Variants in RP1 observed in about 807,000 individuals in gnomAD.
RP1 encodes oxygen-regulated protein 1.
A neutral mutation model predicts 14.8 loss-of-function variants in RP1; 16 were observed. The observed-to-expected ratio is 1.08, with a 90% CI of 0.73 to 1.65. The LOEUF (loss-of-function observed/expected upper bound fraction) is 1.65, where lower values mean the gene tolerates loss of function less well. RP1 is among the 40% of genes most tolerant of loss of function. The pLI is 0.00. For missense variants in RP1, 2,631 were observed against 2,535.0 expected, an observed-to-expected ratio of 1.04 and a Z score of -0.81; for synonymous variants, 876 against 883.6, an observed-to-expected ratio of 0.99 and a Z score of 0.15.
intron 22 of RP1, among the ~76,000 whole-genome samples, chr8:54,761,782 T>C (rs1390617100): frequency 6.6e-6 from 1 of 152,176 alleles, no homozygotes; most frequent in Non-Finnish European, 1.5e-5. Flanking sequence ...AATACCCTGA[T>C]GAAGAAAGTA....
intron 19 of RP1, among the ~76,000 whole-genome samples, chr8:54,744,980 T>A (rs1180587981): frequency 6.6e-6 from 1 of 152,144 alleles, no homozygotes; most frequent in Non-Finnish European, 1.5e-5. Flanking sequence ...GGTACTAAAA[T>A]AAACAATAGC....
chr8:54,767,062 AGGATGGTTGTTTGTTGACT>A (rs1809777961), intron 22 of RP1, among the ~76,000 whole-genome samples: 1 of 152,206 alleles, frequency 6.6e-6, no homozygotes, highest in Non-Finnish European at 1.5e-5. Context: ...TGAGAAAAGT[AGGATGGTTGTTTGTTGACT>A]GGCAGTCACC....
At chr8:54,813,155 G>C (rs1292480764) in intron 24 of RP1, among the ~76,000 whole-genome samples, 1 of 152,234 alleles carries the variant, frequency 6.6e-6, no homozygotes, top group Admixed American at 6.5e-5. Flanking sequence ...GTCTCGAGCA[G>C]TTCCCGAAGT....
chr8:54,804,025 C>T (rs963138072), intron 24 of RP1, among the ~76,000 whole-genome samples: 2 of 151,704 alleles, frequency 1.3e-5, no homozygotes, highest in African/African-American at 4.8e-5. Context: ...CTGAGATCAC[C>T]CCACTGCACT....
intron 1 of RP1, among the ~76,000 whole-genome samples, chr8:54,618,375 A>T (rs1202401797): frequency 1.3e-5 from 2 of 152,174 alleles, no homozygotes; most frequent in Non-Finnish European, 2.9e-5. Flanking sequence ...GCCAAAACCG[A>T]CAAACAAAAC....
intron 7 of RP1, among the ~76,000 whole-genome samples, chr8:54,664,557 T>C (rs1806972849): frequency 6.6e-6 from 1 of 152,170 alleles, no homozygotes; most frequent in South Asian, 2.1e-4. Context: ...CCAAGACTTG[T>C]TAATTTTTTT....
chr8:54,842,575 C>T (rs1811813457), intron 25 of RP1, among the ~76,000 whole-genome samples: 1 of 152,122 alleles, frequency 6.6e-6, no homozygotes, highest in Non-Finnish European at 1.5e-5. Flanking sequence ...TCCTTTGCAT[C>T]ATTTAGCTGT....
At chr8:54,837,433 T>C (rs1811686242) in intron 24 of RP1, 1 of 1,155,658 alleles carries the variant, frequency 8.7e-7, no homozygotes, top group Non-Finnish European at 1.1e-6. Flanking sequence ...AGTTCCCTTT[T>C]ATCCTTTGTG....
At chr8:54,591,915 G>C (rs1308136985) in intron 1 of RP1, among the ~76,000 whole-genome samples, 2 of 152,180 alleles carry the variant, frequency 1.3e-5, no homozygotes, top group African/African-American at 4.8e-5. Flanking sequence ...AAATGTACCA[G>C]TTCTCTTGAG....
rs185876566 is a variant in RP1 at position 54,630,424 on chromosome 8, C to T, written c.*71C>T. ...TGAGATGAAGCACATGTGACGAATACGGACTAGATAACCTCTAAGAATTTT... is the reference window on the plus strand; with the variant it reads ...TGAGATGAAGCACATGTGACGAATATGGACTAGATAACCTCTAAGAATTTT... On this transcript the variant is annotated 3_prime_UTR_variant, in exon 4 of 4. Transcript: ENST00000220676. 2.9e-4 allele frequency: 459 copies of T among 1,589,282 alleles called. 3 individuals are homozygous for T. The East Asian group carries it at 4.7e-3, about 16-fold the overall frequency.
chr8:54,695,466 T>C (rs1009965355), intron 12 of RP1, among the ~76,000 whole-genome samples: 2 of 152,052 alleles, frequency 1.3e-5, no homozygotes, highest in Non-Finnish European at 2.9e-5. Context: ...TTATTTTAAT[T>C]ATTGAGTTCT....
chr8:54,626,592 C>A lies in RP1; in HGVS notation c.2710C>A (p.Pro904Thr). ...SLASLKKPDF[P>T]EAIAHHSIQN... Reference sequence around the variant, plus strand: ...AGCTTCTTTGAAAAAACCTGATTTTCCTGAGGCTATTGCTCATCATTCAAT... The same window carrying A: ...AGCTTCTTTGAAAAAACCTGATTTTACTGAGGCTATTGCTCATCATTCAAT... Residue 904 changes from proline (P) to threonine (T), a missense_variant, in exon 4 of 4, where the codon CCT becomes ACT. By Grantham distance (38) the Pro-to-Thr change is conservative. Coordinates refer to ENST00000220676, the MANE Select transcript of RP1 (RefSeq NM_006269.2). The A allele has an allele frequency of 1.2e-6, 2 of 1,613,446 alleles. No individual in the cohort carries two copies. Among genetic ancestry groups the A allele is most frequent in the Non-Finnish European group, 1.7e-6 (2 of 1,179,856 alleles).
chr8:54,674,323 A>T (rs1209633312), intron 8 of RP1, among the ~76,000 whole-genome samples: 1 of 152,098 alleles, frequency 6.6e-6, no homozygotes, highest in Non-Finnish European at 1.5e-5. Flanking sequence ...CGTTAAGGAG[A>T]CTGTCCTGGC....
At chr8:54,836,145 T>C (rs1404075439) in intron 24 of RP1, among the ~76,000 whole-genome samples, 1 of 152,162 alleles carries the variant, frequency 6.6e-6, no homozygotes, top group Non-Finnish European at 1.5e-5. Flanking sequence ...TAGAAAAAGG[T>C]AGCAGGTCTG....
rs118041736 is a variant in RP1, at chr8:54,795,421, A to G, written c.3615+11711A>G. ...AGGTGCAGAATATACTATGGAAAAC[A>G]TATCGTTGATTTTCAGAAGGGTTAA... On this transcript the variant is annotated intron_variant, in intron 24 of 28. Coordinates refer to the RP1 transcript ENST00000637698. Among the ~76,000 whole-genome samples the G allele has an allele frequency of 6.9e-3, 1,054 of 152,246 alleles. 6 individuals are homozygous for G. Among genetic ancestry groups the G allele is most frequent in the Non-Finnish European group, 0.011 (718 of 67,968 alleles).
At chr8:54,831,657 A>G (rs191808782) in intron 24 of RP1, among the ~76,000 whole-genome samples, 144 of 151,868 alleles carry the variant, frequency 9.5e-4, no homozygotes, top group African/African-American at 3.3e-3. Context: ...TGCTTTAAAC[A>G]GTCCATTGAT....
intron 19 of RP1, among the ~76,000 whole-genome samples, chr8:54,752,173 A>G (rs768991997): frequency 6.6e-6 from 1 of 152,240 alleles, no homozygotes; most frequent in Non-Finnish European, 1.5e-5. Flanking sequence ...CAAGAGTTAA[A>G]TTTCTAGAGC....
intron 1 of RP1, among the ~76,000 whole-genome samples, chr8:54,597,141 A>G (rs1327052949): frequency 6.6e-6 from 1 of 152,182 alleles, no homozygotes; most frequent in African/African-American, 2.4e-5. Flanking sequence ...GTCTCCACAC[A>G]TACACAGGCT....
chr8:54,728,564 T>C (rs2129353580), intron 17 of RP1, among the ~76,000 whole-genome samples: 1 of 152,292 alleles, frequency 6.6e-6, no homozygotes, highest in East Asian at 1.9e-4. Flanking sequence ...TGTTCTGTCT[T>C]CATTCAAAAT....
Sources: allele counts gnomAD v4.1 joint callset (sites outside exome capture counted in the v4.1 genomes callset), GRCh38; gene constraint gnomAD v4.1.1; transcripts MANE v1.5; gene names NCBI Gene and HGNC (gene_info 2026-07-23, HGNC 2026-07-21).